ARFIP1: variants seen among roughly 807,000 people sequenced by gnomAD.
ARFIP1 encodes the protein arfaptin-1.
ARFIP1 carries 24 observed loss-of-function variants against 42.5 expected under a neutral mutation model. The observed-to-expected ratio is 0.57, with a 90% CI of 0.41 to 0.80. The LOEUF (loss-of-function observed/expected upper bound fraction) is 0.80, where lower values mean the gene tolerates loss of function less well. Ranked by LOEUF, ARFIP1 falls within the 30% of genes least tolerant of loss-of-function variation. ARFIP1 has a pLI of 0.00. For missense variants in ARFIP1, 354 were observed against 434.0 expected, an observed-to-expected ratio of 0.82 and a Z score of 1.64; for synonymous variants, 141 against 153.7, an observed-to-expected ratio of 0.92 and a Z score of 0.61.
At position 152,865,913 on chromosome 4, in the gene ARFIP1, G is replaced by A. The variant is rs531352621; in HGVS notation, c.202+2199G>A. On this transcript the variant is annotated intron_variant, in intron 3 of 8. Transcript: ENST00000353617. ...AATTGATCATTCTTGGGTGTTTCTC[G>A]CAGAGGGGGATTTGGCAGGGTCATA... is the stretch of plus-strand genomic sequence containing the variant. Among the ~76,000 whole-genome samples, 197 of 151,972 alleles carry A rather than the reference G, an allele frequency of 1.3e-3. 1 individual carries two copies. Among genetic ancestry groups the A allele is most frequent in the African/African-American group, 4.3e-3 (180 of 41,424 alleles).
chr4:152,888,264 G>C lies in ARFIP1; in HGVS notation c.923G>C (p.Arg308Pro). ...QAHKEKYDKM[R>P]NDVSVKLKFL... ...CATAAGGAAAAATATGATAAAATGC[G>C]CAATGATGTTTCTGTCAAATTGAAA... Residue 308 changes from arginine to proline, a missense_variant, in exon 8 of 9, where the codon CGC (arginine) becomes CCC (proline). Transcript: ENST00000353617. 6.2e-7 allele frequency: 1 copy of C among 1,608,780 alleles called. No individual in the cohort carries two copies. The highest frequency in any genetic ancestry group is 1.3e-5 in the African/African-American group (1 of 74,790).
chr4:152,798,574 G>C (rs760568465), intron 1 of ARFIP1, among the ~76,000 whole-genome samples: 2 of 152,022 alleles, frequency 1.3e-5, no homozygotes, highest in Non-Finnish European at 2.9e-5. Flanking sequence ...TTTACCTCTA[G>C]GATAAATGCC....
At chr4:152,795,820 A>ATTTTTCTTTTTTTTTTTTTTTTT (rs1731417541) in intron 1 of ARFIP1, among the ~76,000 whole-genome samples, 1 of 28,066 alleles carries the variant, frequency 3.6e-5, no homozygotes, top group African/African-American at 1.5e-4. Flanking sequence ...GGCCCTTGTA[A>ATTTTTCTTTTTTTTTTTTTTTTT]TTTTTTTTTT....
chr4:152,883,865 A>C (rs937592962), intron 7 of ARFIP1, among the ~76,000 whole-genome samples: 1 of 151,064 alleles, frequency 6.6e-6, no homozygotes, highest in Admixed American at 6.6e-5. Flanking sequence ...CAAAATTCTT[A>C]TTTTCCATTA....
At position 152,910,153 on chromosome 4, in the gene ARFIP1, T is replaced by TAAACAGTTCCATATCAA; in HGVS notation, c.1058_1074dup (p.Leu359AsnfsTer7). 1 of 1,614,154 alleles carries TAAACAGTTCCATATCAA rather than the reference T, an allele frequency of 6.2e-7. No homozygotes were observed. Among genetic ancestry groups the TAAACAGTTCCATATCAA allele is most frequent in the South Asian group, 1.1e-5 (1 of 91,086 alleles). On this transcript the variant is annotated frameshift_variant, in exon 9 of 9. Transcript: ENST00000353617. LOFTEE classifies it high-confidence loss of function. ...ATCAGAAGCAGCTTGAACAGACACT[T>TAAACAGTTCCATATCAA]AAACAGTTCCATATCAAATTGAAAA...
At chr4:152,884,523 G>T (rs1052179432) in intron 7 of ARFIP1, among the ~76,000 whole-genome samples, 1 of 151,886 alleles carries the variant, frequency 6.6e-6, no homozygotes, top group Non-Finnish European at 1.5e-5. Context: ...GGGTTTTAAA[G>T]ATGGATATTG....
chr4:152,839,702 C>G (rs1731912339), intron 2 of ARFIP1, among the ~76,000 whole-genome samples: 1 of 152,114 alleles, frequency 6.6e-6, no homozygotes. Flanking sequence ...AATGGTCTAT[C>G]AATTTTATTT....
intron 2 of ARFIP1, among the ~76,000 whole-genome samples, chr4:152,852,126 A>T (rs1225701285): frequency 6.6e-6 from 1 of 152,234 alleles, no homozygotes; most frequent in Non-Finnish European, 1.5e-5. Context: ...CCATTTTATT[A>T]TACACTTGTT....
intron 2 of ARFIP1, among the ~76,000 whole-genome samples, chr4:152,836,807 CA>C: frequency 6.6e-6 from 1 of 151,864 alleles, no homozygotes; most frequent in Non-Finnish European, 1.5e-5. Context: ...TATTTTTCCG[CA>C]AGTTATTGAG....
chr4:152,873,032 T>C (rs1463291293), intron 5 of ARFIP1, among the ~76,000 whole-genome samples: 1 of 152,238 alleles, frequency 6.6e-6, no homozygotes, highest in African/African-American at 2.4e-5. Flanking sequence ...TTAACATTCT[T>C]AGTTGCATTG....
At chr4:152,790,429 T>G (rs1731078769) in intron 1 of ARFIP1, among the ~76,000 whole-genome samples, 1 of 152,184 alleles carries the variant, frequency 6.6e-6, no homozygotes, top group African/African-American at 2.4e-5. Flanking sequence ...CACAGCATAC[T>G]GAATAATTTA....
chr4:152,816,178 A>G (rs566063615), intron 1 of ARFIP1, among the ~76,000 whole-genome samples: 1 of 152,350 alleles, frequency 6.6e-6, no homozygotes, highest in South Asian at 2.1e-4. Flanking sequence ...ATTCCAACAC[A>G]GTAGCAAAAC....
intron 2 of ARFIP1, among the ~76,000 whole-genome samples, chr4:152,854,372 T>G (rs1331865969): frequency 6.6e-6 from 1 of 152,236 alleles, no homozygotes; most frequent in East Asian, 1.9e-4. Flanking sequence ...ATATCCTGAA[T>G]TGTTTTTCTG....
rs1471189795 is a variant in ARFIP1 at position 152,866,665 on chromosome 4, T to C, written c.202+2951T>C. Among the ~76,000 whole-genome samples, 3 of 149,356 alleles carry C rather than the reference T, an allele frequency of 2.0e-5. No individual in the cohort carries two copies. The East Asian group carries it at 6.0e-4, about 30-fold the overall frequency. ...ACCCCCACCTCCCTCCCGGACGGGG[T>C]GGCTGCCAGGCGGAGACGCTCCTCA... On this transcript the variant is annotated intron_variant, in intron 3 of 8. Coordinates refer to ENST00000353617, the MANE Select transcript of ARFIP1 (RefSeq NM_001025595.3).
At chr4:152,843,251 CAG>C (rs1472598611) in intron 2 of ARFIP1, among the ~76,000 whole-genome samples, 1 of 152,140 alleles carries the variant, frequency 6.6e-6, no homozygotes, top group East Asian at 1.9e-4. Flanking sequence ...GTTATCTGCA[CAG>C]AGTCCTGTGA....
chr4:152,787,652 A>G (rs1297003106), intron 1 of ARFIP1, among the ~76,000 whole-genome samples: 1 of 152,248 alleles, frequency 6.6e-6, no homozygotes, highest in Non-Finnish European at 1.5e-5. Flanking sequence ...TTGCTTTTGG[A>G]TGGTACAGTG....
intron 1 of ARFIP1, among the ~76,000 whole-genome samples, chr4:152,813,917 C>T (rs906211749): frequency 2.2e-4 from 33 of 152,156 alleles, no homozygotes; most frequent in Non-Finnish European, 3.8e-4. Context: ...TTCTGAAAAT[C>T]CACCTTTCTC....
intron 3 of ARFIP1, among the ~76,000 whole-genome samples, chr4:152,867,277 C>T (rs1434163549): frequency 1.3e-5 from 2 of 152,172 alleles, no homozygotes; most frequent in East Asian, 1.9e-4. Context: ...GCGGATCACT[C>T]GCGGTTAGGA....
chr4:152,823,675 G>C (rs1311885562), intron 1 of ARFIP1, among the ~76,000 whole-genome samples: 1 of 150,630 alleles, frequency 6.6e-6, no homozygotes, highest in Non-Finnish European at 1.5e-5. Context: ...TACTTGGGAG[G>C]CTGAGGCAGG....
Sources: allele counts gnomAD v4.1 joint callset (sites outside exome capture counted in the v4.1 genomes callset), GRCh38; gene constraint gnomAD v4.1.1; transcripts MANE v1.5; gene names NCBI Gene and HGNC (gene_info 2026-07-23, HGNC 2026-07-21).